The following CSMD3 variants were observed in gnomAD, a reference collection of about 807,000 sequenced individuals.
CSMD3 encodes the protein CUB and sushi domain-containing protein 3.
CSMD3 carries 177 observed loss-of-function variants against 435.2 expected under a neutral mutation model. The observed-to-expected ratio is 0.41, with a 90% CI of 0.36 to 0.46. The LOEUF (loss-of-function observed/expected upper bound fraction) is 0.46, where lower values mean the gene tolerates loss of function less well. CSMD3 is among the 20% of genes least tolerant of loss of function. The pLI is 0.34. For missense variants in CSMD3, 4,265 were observed against 4,504.6 expected, an observed-to-expected ratio of 0.95 and a Z score of 1.52; for synonymous variants, 1,656 against 1,520.5, an observed-to-expected ratio of 1.09 and a Z score of -2.07.
chr8:112,566,749 A>G (rs1312529813), intron 24 of CSMD3, among the ~76,000 whole-genome samples: 2 of 152,102 alleles, frequency 1.3e-5, no homozygotes, highest in Non-Finnish European at 1.5e-5. Context: ...CCAGCCATGC[A>G]TACAGTAAGG....
intron 5 of CSMD3, among the ~76,000 whole-genome samples, chr8:113,051,003 G>T (rs1474135827): frequency 1.3e-5 from 2 of 152,062 alleles, no homozygotes; most frequent in Non-Finnish European, 2.9e-5. Flanking sequence ...GTGAGAAAGG[G>T]TGTGTTGTGA....
chr8:112,386,863 T>C (rs887003370), intron 36 of CSMD3, among the ~76,000 whole-genome samples: 1 of 152,196 alleles, frequency 6.6e-6, no homozygotes, highest in South Asian at 2.1e-4. Context: ...TTAGATATAG[T>C]TGTCCATCAT....
intron 42 of CSMD3, among the ~76,000 whole-genome samples, chr8:112,340,610 AT>A (rs2130984898): frequency 6.6e-6 from 1 of 152,258 alleles, no homozygotes; most frequent in Non-Finnish European, 1.5e-5. Context: ...ATTTTAGTTT[AT>A]TTTGATTAAA....
At chr8:112,347,394 G>T (rs555292941) in intron 40 of CSMD3, among the ~76,000 whole-genome samples, 36 of 152,116 alleles carry the variant, frequency 2.4e-4, no homozygotes, top group Non-Finnish European at 4.6e-4. Context: ...ATTTGCAATC[G>T]CATCCATTTA....
chr8:112,594,353 G>A (rs1012012932), intron 22 of CSMD3, among the ~76,000 whole-genome samples: 3 of 152,180 alleles, frequency 2.0e-5, no homozygotes, highest in Admixed American at 6.5e-5. Flanking sequence ...CCCGCACCCG[G>A]CTCGGAGGGT....
At chr8:113,201,541 C>T (rs1345125981) in intron 3 of CSMD3, among the ~76,000 whole-genome samples, 1 of 151,720 alleles carries the variant, frequency 6.6e-6, no homozygotes, top group Non-Finnish European at 1.5e-5. Context: ...TCAGGGAATC[C>T]ATCATAAAAT....
intron 4 of CSMD3, among the ~76,000 whole-genome samples, chr8:113,161,977 T>G (rs2092049495): frequency 6.6e-6 from 1 of 152,034 alleles, no homozygotes; most frequent in African/African-American, 2.4e-5. Context: ...AGAAAGTGAT[T>G]TTTTTTTCAA....
rs1452104783 is a variant in CSMD3, at chr8:113,088,631, G to T, written c.917+10125C>A. ...AAGGACAAAAAACGAAACACCGCAT[G>T]TTCTCACTCATAGGTGGGAATTGAA... On this transcript the variant is annotated intron_variant, in intron 5 of 70. Transcript: ENST00000297405. Among the ~76,000 whole-genome samples the T allele has an allele frequency of 2.0e-5, 3 of 148,206 alleles. No homozygotes were observed. The Admixed American group carries it at 2.1e-4, about 10-fold the overall frequency.
intron 13 of CSMD3, among the ~76,000 whole-genome samples, chr8:112,796,712 G>C (rs187247507): frequency 2.0e-5 from 3 of 152,012 alleles, no homozygotes; most frequent in African/African-American, 7.2e-5. Flanking sequence ...AAGGGAAATG[G>C]GGCAAGGTGG....
intron 13 of CSMD3, among the ~76,000 whole-genome samples, chr8:112,732,988 A>G (rs1162870934): frequency 6.6e-6 from 1 of 152,206 alleles, no homozygotes; most frequent in Non-Finnish European, 1.5e-5. Context: ...ATCTAAGAGC[A>G]GAATGTCTTT....
At chr8:112,473,560 C>T (rs1322475410) in intron 31 of CSMD3, among the ~76,000 whole-genome samples, 1 of 151,924 alleles carries the variant, frequency 6.6e-6, no homozygotes, top group Non-Finnish European at 1.5e-5. Flanking sequence ...AAATTATTAT[C>T]CTGGGGGTCA....
At chr8:112,351,064 C>A in intron 40 of CSMD3, 111 bp downstream of exon 40, 1 of 651,874 alleles carries the variant, frequency 1.5e-6, no homozygotes, top group South Asian at 2.2e-5. Flanking sequence ...GTTTGAAAAT[C>A]ATGATATACA....
chr8:112,284,003 G>T (rs1818922794), intron 58 of CSMD3, among the ~76,000 whole-genome samples: 1 of 144,202 alleles, frequency 6.9e-6, no homozygotes, highest in Non-Finnish European at 1.5e-5. Context: ...TATCACATGT[G>T]CCCCATTAAT....
chr8:113,340,110 T>A (rs1433929100), intron 1 of CSMD3, among the ~76,000 whole-genome samples: 1 of 152,060 alleles, frequency 6.6e-6, no homozygotes, highest in Non-Finnish European at 1.5e-5. Flanking sequence ...GTTCCTCTAT[T>A]ATTTGTTCCT....
At chr8:113,203,444 T>C (rs989279363) in intron 3 of CSMD3, among the ~76,000 whole-genome samples, 4 of 146,752 alleles carry the variant, frequency 2.7e-5, no homozygotes, top group African/African-American at 9.9e-5. Flanking sequence ...GACCATCTAA[T>C]TTTTTTTTTT....
At chr8:112,538,545 A>G (rs1826352223) in intron 27 of CSMD3, among the ~76,000 whole-genome samples, 1 of 152,108 alleles carries the variant, frequency 6.6e-6, no homozygotes. Context: ...TAGCATTTTT[A>G]TATACGAATA....
chr8:113,276,452 C>T (rs976706956), intron 3 of CSMD3, among the ~76,000 whole-genome samples: 2 of 151,998 alleles, frequency 1.3e-5, no homozygotes, highest in African/African-American at 2.4e-5. Context: ...GAGGCCTCTA[C>T]GTGAAGAGGA....
rs1201336835 is a variant in CSMD3 at position 112,405,204 on chromosome 8, AAAAAAC to A, written c.5809+1314_5809+1319del. 4.8e-3 allele frequency among the ~76,000 whole-genome samples: 158 copies of A among 32,708 alleles called. 14 individuals carry two copies. Among genetic ancestry groups the A allele is most frequent in the African/African-American group, 0.018 (154 of 8,508 alleles). The allele number at this position is 32,708 out of a possible 152,430, so 21.5% of individuals were successfully genotyped here. Reference sequence around the variant, plus strand: ...CTCTCAAAAAAAAAAAAAAAAAAAAAAAAAACCCCCATATATATATATATATATATA... The same window carrying A: ...CTCTCAAAAAAAAAAAAAAAAAAAAACCCCATATATATATATATATATATA... On this transcript the variant is annotated intron_variant, in intron 35 of 70. Transcript: ENST00000297405.
rs765570661 is a variant in CSMD3, at chr8:112,682,506, T to C, written c.2613A>G (p.Glu871=). ...CATCCATAAGAATACATGTAATTGTTTCTGTTCCCTGGGTTTTAATAAATC... is the reference window on the plus strand; with the variant it reads ...CATCCATAAGAATACATGTAATTGTCTCTGTTCCCTGGGTTTTAATAAATC... ...EEGFIKTQGT[E]TITCILMDGK... Residue 871 remains glutamate (E), a synonymous_variant, in exon 16 of 71, where the codon GAA becomes GAG. Coordinates refer to ENST00000297405, the MANE Select transcript of CSMD3 (RefSeq NM_198123.2). 10 of 1,613,686 alleles carry C rather than the reference T, an allele frequency of 6.2e-6. No homozygotes were observed. In the South Asian group the frequency reaches 1.1e-4, roughly 18 times the overall value.
Sources: gnomAD v4.1 joint callset for allele counts (sites outside exome capture counted in the v4.1 genomes callset) on GRCh38, gnomAD v4.1.1 for gene constraint, MANE v1.5 for transcripts, NCBI Gene and HGNC (gene_info 2026-07-23, HGNC 2026-07-21) for gene names.